Variants in ACCSL observed in about 807,000 individuals in gnomAD.
ACCSL encodes 1-aminocyclopropane-1-carboxylate synthase homolog (inactive) like, also known as probable inactive 1-aminocyclopropane-1-carboxylate synthase-like protein 2.
Under a neutral mutation model 61.7 loss-of-function variants are expected in ACCSL, and 55 were observed. The observed-to-expected ratio is 0.89, with a 90% CI of 0.72 to 1.12. ACCSL has a LOEUF of 1.12. ACCSL is among the 50% of genes most tolerant of loss of function. The probability of loss-of-function intolerance (pLI) is 0.00; values close to 1 mark genes in which losing one functional copy is unlikely to be tolerated. For missense variants in ACCSL, 632 were observed against 698.0 expected (o/e 0.91, Z 1.07); for synonymous variants, 258 against 264.3 (o/e 0.98, Z 0.23).
At chr11:43,980,410 C>T in the ACCSL span, among the ~76,000 whole-genome samples, 1 of 152,196 alleles carries the variant, frequency 6.6e-6, no homozygotes, top group Non-Finnish European at 1.5e-5. Flanking sequence ...ATTTTTGCTG[C>T]ACTCTTATCA....
At chr11:44,053,645 T>G (rs1952653529) in intron 8 of ACCSL, 139 bp downstream of exon 8, 1 of 729,516 alleles carries the variant, frequency 1.4e-6, no homozygotes, top group East Asian at 2.8e-5. Context: ...GTGGATCACT[T>G]GAGGTCAGGA....
the ACCSL span, among the ~76,000 whole-genome samples, chr11:44,012,725 G>T: frequency 6.6e-6 from 1 of 152,196 alleles, no homozygotes; most frequent in African/African-American, 2.4e-5. Context: ...GACATATAAA[G>T]ATGTTCATTG....
At chr11:43,957,577 A>G in the ACCSL span, among the ~76,000 whole-genome samples, 17 of 152,370 alleles carry the variant, frequency 1.1e-4, no homozygotes, top group Admixed American at 5.2e-4. Flanking sequence ...GAGATTCTCT[A>G]TAGATGCAAA....
chr11:43,953,989 C>T, the ACCSL span, among the ~76,000 whole-genome samples: 1 of 152,174 alleles, frequency 6.6e-6, no homozygotes, highest in Non-Finnish European at 1.5e-5. Context: ...TTTCGGTAAC[C>T]TGTCCACAGC....
At chr11:44,031,790 A>G in the ACCSL span, among the ~76,000 whole-genome samples, 2 of 152,156 alleles carry the variant, frequency 1.3e-5, no homozygotes, top group African/African-American at 4.8e-5. Flanking sequence ...GTGCTCATTT[A>G]TTGGCTGGGG....
the ACCSL span, among the ~76,000 whole-genome samples, chr11:44,030,357 C>T: frequency 6.6e-6 from 1 of 151,740 alleles, no homozygotes; most frequent in African/African-American, 2.4e-5. Context: ...CCTCCTGTTT[C>T]TCATGGACAC....
the ACCSL span, among the ~76,000 whole-genome samples, chr11:43,942,091 C>T: frequency 3.3e-5 from 5 of 149,894 alleles, no homozygotes; most frequent in African/African-American, 1.2e-4. Context: ...CGCGCGCCTG[C>T]GGAGGGGGGT....
chr11:43,927,028 G>A, the ACCSL span, among the ~76,000 whole-genome samples: 6 of 152,252 alleles, frequency 3.9e-5, no homozygotes, highest in Admixed American at 1.3e-4. Context: ...GACTACAGGC[G>A]TGAGCCACTG....
the ACCSL span, among the ~76,000 whole-genome samples, chr11:44,015,095 A>G: frequency 8.5e-5 from 13 of 152,244 alleles, no homozygotes; most frequent in Non-Finnish European, 1.8e-4. Context: ...CAAGTTGGTG[A>G]TGGAGTAGGT....
At chr11:43,984,365 C>T in the ACCSL span, among the ~76,000 whole-genome samples, 924 of 152,334 alleles carry the variant, frequency 6.1e-3, 8 homozygotes, top group African/African-American at 0.021. Flanking sequence ...ATCTGCTTTA[C>T]TTAGACTTGT....
intron 1 of ACCSL, 167 bp from the exon 2 acceptor site, chr11:44,049,895 C>A: frequency 1.3e-6 from 1 of 798,288 alleles, no homozygotes; most frequent in Non-Finnish European, 2.1e-6. Context: ...AATTTGCAAG[C>A]TGTACTATTT....
chr11:44,058,631 C>T lies in ACCSL; in HGVS notation c.1556C>T (p.Thr519Ile), dbSNP rs766245812. The T allele has an allele frequency of 6.2e-6, 10 of 1,614,050 alleles. No homozygotes were observed. Among genetic ancestry groups the T allele is most frequent in the East Asian group, 2.2e-5 (1 of 44,892 alleles). ...AAGCTATTGTTATCCCGTGGCAAAA[C>T]CTACATGTGTAAGGAGCCAGGCTGG... is the stretch of plus-strand genomic sequence containing the variant. ...DNKLLLSRGK[T>I]YMCKEPGWFC... Residue 519 changes from threonine to isoleucine, a missense_variant, in exon 13 of 14, where the codon ACC (threonine) becomes ATC (isoleucine). Thr to Ile is a moderately conservative substitution (Grantham distance 89, BLOSUM62 -1). Coordinates refer to ENST00000378832, the MANE Select transcript of ACCSL (RefSeq NM_001031854.2).
At chr11:44,010,901 G>C in the ACCSL span, among the ~76,000 whole-genome samples, 1 of 152,184 alleles carries the variant, frequency 6.6e-6, no homozygotes, top group South Asian at 2.1e-4. Flanking sequence ...TAAACATCTT[G>C]TAAGTTACCC....
the ACCSL span, among the ~76,000 whole-genome samples, chr11:43,951,723 G>A: frequency 6.6e-6 from 1 of 152,208 alleles, no homozygotes; most frequent in East Asian, 1.9e-4. Flanking sequence ...ACATTGTAGG[G>A]CTGGATGCAG....
chr11:44,053,144 G>A, intron 7 of ACCSL, 76 bp downstream of exon 7: 5 of 1,336,172 alleles, frequency 3.7e-6, no homozygotes, highest in Non-Finnish European at 4.3e-6. Context: ...TTCTGGTACT[G>A]CTTATTCACC....
chr11:43,932,698 A>G, the ACCSL span, among the ~76,000 whole-genome samples: 2 of 152,210 alleles, frequency 1.3e-5, no homozygotes, highest in Non-Finnish European at 2.9e-5. Flanking sequence ...AGGTGTCCTC[A>G]GCACCCACAG....
chr11:44,036,117 C>A, the ACCSL span, among the ~76,000 whole-genome samples: 1 of 152,170 alleles, frequency 6.6e-6, no homozygotes, highest in Non-Finnish European at 1.5e-5. Flanking sequence ...AGGTAGCAAC[C>A]AACTGGGTAA....
Position 44,055,293 on chromosome 11 carries a change from T to TG in ACCSL, c.1139+3dup, listed in dbSNP as rs768690303. On this transcript the variant is annotated splice_region_variant and intron_variant, in intron 9 of 13. Coordinates refer to ENST00000378832, the MANE Select transcript of ACCSL (RefSeq NM_001031854.2). ...CCACAGCATTCTGAGCATGAAAAGG[T>TG]GAGCTGGTCTCAGCTGGAGTTGGGA... 6.8e-6 allele frequency: 11 copies of TG among 1,611,162 alleles called. No homozygotes were observed. In the South Asian group the frequency reaches 7.7e-5, roughly 11 times the overall value.
the ACCSL span, among the ~76,000 whole-genome samples, chr11:43,962,866 G>A: frequency 6.6e-6 from 1 of 152,176 alleles, no homozygotes; most frequent in South Asian, 2.1e-4. Flanking sequence ...TAGCCCTCAA[G>A]GAAGATGCAT....
Sources: allele counts gnomAD v4.1 joint callset (sites outside exome capture counted in the v4.1 genomes callset), GRCh38; gene constraint gnomAD v4.1.1; transcripts MANE v1.5; gene names NCBI Gene and HGNC (gene_info 2026-07-23, HGNC 2026-07-21).